The following SMYD3 variants were observed in gnomAD, a reference collection of about 807,000 sequenced individuals.
SMYD3 encodes the protein histone-lysine N-methyltransferase SMYD3.
SMYD3 carries 36 observed loss-of-function variants against 57.7 expected under a neutral mutation model. The ratio of observed to expected loss-of-function variants is 0.62; its 90% CI spans 0.48 to 0.82. SMYD3 has a LOEUF of 0.82. Ranked by LOEUF, SMYD3 falls within the 40% of genes least tolerant of loss-of-function variation. The pLI is 0.00. For synonymous variants in SMYD3, 211 were observed against 195.0 expected, an observed-to-expected ratio of 1.08 and a Z score of -0.68; for missense variants, 515 against 538.8, an observed-to-expected ratio of 0.96 and a Z score of 0.44.
intron 5 of SMYD3, among the ~76,000 whole-genome samples, chr1:246,301,715 G>C (rs1417080873): frequency 1.3e-5 from 2 of 152,074 alleles, no homozygotes; most frequent in Admixed American, 6.6e-5. Context: ...AATTCCCCAA[G>C]GGCAACTGAT....
rs575429260 is a variant in SMYD3, at chr1:246,030,785, T to A, written c.532-100848A>T. ...CACAAATTACGTTATTTACTATGTATCATTGATGTCAGAGCCCTAAAAAGC... is the reference window on the plus strand; with the variant it reads ...CACAAATTACGTTATTTACTATGTAACATTGATGTCAGAGCCCTAAAAAGC... On this transcript the variant is annotated intron_variant, in intron 5 of 11. Transcript: ENST00000490107. Among the ~76,000 whole-genome samples the A allele has an allele frequency of 2.0e-5, 3 of 152,308 alleles. No homozygotes were observed. The East Asian group carries it at 5.8e-4, about 29-fold the overall frequency.
At chr1:245,822,441 A>T (rs1034570805) in intron 10 of SMYD3, among the ~76,000 whole-genome samples, 51 of 151,028 alleles carry the variant, frequency 3.4e-4, no homozygotes, top group African/African-American at 1.1e-3. Context: ...AGATATACCT[A>T]ATGCTAGATG....
intron 1 of SMYD3, among the ~76,000 whole-genome samples, chr1:246,480,341 T>C (rs1558483884): frequency 6.6e-6 from 1 of 152,216 alleles, no homozygotes; most frequent in African/African-American, 2.4e-5. Context: ...TGAGACTCCA[T>C]GTGTGAGTTT....
chr1:246,460,542 G>A (rs1279281856), intron 1 of SMYD3, among the ~76,000 whole-genome samples: 1 of 152,132 alleles, frequency 6.6e-6, no homozygotes, highest in Non-Finnish European at 1.5e-5. Context: ...TAGCAATATA[G>A]TATGTATATC....
intron 10 of SMYD3, among the ~76,000 whole-genome samples, chr1:245,836,482 C>G (rs1299659126): frequency 6.6e-6 from 1 of 152,148 alleles, no homozygotes; most frequent in Non-Finnish European, 1.5e-5. Flanking sequence ...AAGGTTAATT[C>G]CAGGCTCAGC....
At chr1:246,176,732 A>G (rs1271820499) in intron 5 of SMYD3, among the ~76,000 whole-genome samples, 1 of 152,142 alleles carries the variant, frequency 6.6e-6, no homozygotes, top group African/African-American at 2.4e-5. Flanking sequence ...CATGTTGTCC[A>G]GGCTGGTCTG....
At chr1:246,154,695 A>G (rs895996404) in intron 5 of SMYD3, among the ~76,000 whole-genome samples, 3 of 152,164 alleles carry the variant, frequency 2.0e-5, no homozygotes, top group Non-Finnish European at 4.4e-5. Context: ...TGTTCCCCAC[A>G]CTTAGTTAAT....
In SMYD3 at chr1:246,367,920, G is replaced by T. The variant is rs1382620671; in HGVS notation, c.165-12826C>A. ...CACCCTCTTCAAAAAAAGCAAAAAG[G>T]AATCCCCTATCACTTGTTCATACAA... On this transcript the variant is annotated intron_variant, in intron 1 of 11. Transcript: ENST00000490107. Among the ~76,000 whole-genome samples, 3 of 152,030 alleles carry T rather than the reference G, an allele frequency of 2.0e-5. No individual in the cohort carries two copies. In the East Asian group the frequency reaches 5.8e-4, roughly 29 times the overall value.
intron 1 of SMYD3, among the ~76,000 whole-genome samples, chr1:246,450,584 A>C (rs115384148): frequency 0.02 from 3,082 of 152,320 alleles, 35 homozygotes; most frequent in South Asian, 0.034. Flanking sequence ...TAGGCATTCC[A>C]CTGCACTTAA....
At chr1:246,165,560 G>A (rs1475851584) in intron 5 of SMYD3, among the ~76,000 whole-genome samples, 1 of 152,128 alleles carries the variant, frequency 6.6e-6, no homozygotes, top group Non-Finnish European at 1.5e-5. Flanking sequence ...GGTGAGGAGA[G>A]GTGAAGGGTT....
At chr1:246,305,285 G>A (rs1213860067) in intron 5 of SMYD3, among the ~76,000 whole-genome samples, 1 of 152,062 alleles carries the variant, frequency 6.6e-6, no homozygotes, top group African/African-American at 2.4e-5. Context: ...ATCGCTTCCA[G>A]AAAAATGTTG....
At chr1:246,187,239 G>C (rs990353924) in intron 5 of SMYD3, among the ~76,000 whole-genome samples, 4 of 149,300 alleles carry the variant, frequency 2.7e-5, no homozygotes, top group Admixed American at 6.7e-5. Flanking sequence ...ATTGAGCAGA[G>C]ATCGTGCCAC....
chr1:246,478,888 T>C (rs2068064637), intron 1 of SMYD3, among the ~76,000 whole-genome samples: 1 of 140,128 alleles, frequency 7.1e-6, no homozygotes, highest in African/African-American at 2.6e-5. Flanking sequence ...TCCTCCGTCC[T>C]GGAGCTGGTA....
chr1:246,091,444 A>G (rs943124997), intron 5 of SMYD3, among the ~76,000 whole-genome samples: 2 of 151,072 alleles, frequency 1.3e-5, no homozygotes, highest in African/African-American at 4.9e-5. Flanking sequence ...CCCTCTCTAT[A>G]GAGAGAGAGC....
chr1:246,259,651 A>G (rs1019672899), intron 5 of SMYD3, among the ~76,000 whole-genome samples: 3 of 152,196 alleles, frequency 2.0e-5, no homozygotes, highest in Admixed American at 1.3e-4. Flanking sequence ...GTTTACTGGC[A>G]GAAGTTCTCT....
chr1:246,342,055 G>A (rs933731559), intron 2 of SMYD3, among the ~76,000 whole-genome samples: 1 of 152,130 alleles, frequency 6.6e-6, no homozygotes, highest in African/African-American at 2.4e-5. Context: ...GTCAAAATAG[G>A]TTTGAAACCT....
At chr1:245,956,642 T>C (rs528610036) in intron 5 of SMYD3, among the ~76,000 whole-genome samples, 1 of 152,312 alleles carries the variant, frequency 6.6e-6, no homozygotes, top group South Asian at 2.1e-4. Context: ...CCTGTCTTTG[T>C]CTCCCTCCTT....
intron 5 of SMYD3, among the ~76,000 whole-genome samples, chr1:246,040,358 G>A (rs1303113834): frequency 2.6e-5 from 4 of 152,142 alleles, no homozygotes; most frequent in Non-Finnish European, 5.9e-5. Context: ...CTTGTGCTTC[G>A]CCACCACAAA....
chr1:246,134,196 T>A (rs2148078493), intron 5 of SMYD3, among the ~76,000 whole-genome samples: 1 of 152,262 alleles, frequency 6.6e-6, no homozygotes, highest in Admixed American at 6.5e-5. Context: ...CACCTTTTCT[T>A]CTAGAAGTGG....
Sources: allele counts gnomAD v4.1 joint callset (sites outside exome capture counted in the v4.1 genomes callset), GRCh38; gene constraint gnomAD v4.1.1; transcripts MANE v1.5; gene names NCBI Gene and HGNC (gene_info 2026-07-23, HGNC 2026-07-21).